KCNJ6: variants seen among roughly 807,000 people sequenced by gnomAD.
The protein encoded by KCNJ6 is G protein-activated inward rectifier potassium channel 2.
In KCNJ6, 9 loss-of-function variants were observed where a neutral mutation model predicts 34.2. The observed-to-expected ratio is 0.26, with a 90% CI of 0.16 to 0.46. The LOEUF (loss-of-function observed/expected upper bound fraction) is 0.46. Ranked by LOEUF, KCNJ6 falls within the 20% of genes least tolerant of loss-of-function variation. The pLI, the probability that KCNJ6 is intolerant of heterozygous loss-of-function variation, is 1.00. For synonymous variants in KCNJ6, 196 were observed against 207.1 expected, an observed-to-expected ratio of 0.95 and a Z score of 0.46; for missense variants, 236 against 531.3, an observed-to-expected ratio of 0.44 and a Z score of 5.46.
chr21:37,839,009 G>C (rs953467160), intron 2 of KCNJ6, among the ~76,000 whole-genome samples: 1 of 152,186 alleles, frequency 6.6e-6, no homozygotes, highest in Non-Finnish European at 1.5e-5. Context: ...CACCATGATT[G>C]TAAGTTTCCT....
chr21:37,682,098 G>A (rs921914001), intron 3 of KCNJ6, among the ~76,000 whole-genome samples: 8 of 152,126 alleles, frequency 5.3e-5, no homozygotes, highest in African/African-American at 1.2e-4. Flanking sequence ...GAAGGGGAGG[G>A]GTGGCTCGCA....
At chr21:37,688,011 T>G (rs1012089971) in intron 3 of KCNJ6, among the ~76,000 whole-genome samples, 3 of 152,250 alleles carry the variant, frequency 2.0e-5, no homozygotes, top group African/African-American at 7.2e-5. Context: ...CCATCTGAGA[T>G]GGAAGGTGTC....
chr21:37,836,983 C>T (rs1489876242), intron 2 of KCNJ6, among the ~76,000 whole-genome samples: 2 of 152,076 alleles, frequency 1.3e-5, no homozygotes, highest in Non-Finnish European at 2.9e-5. Context: ...TTTTTAGACC[C>T]CATGGACCCT....
chr21:37,882,555 T>C (rs1015763689), intron 1 of KCNJ6, among the ~76,000 whole-genome samples: 45 of 152,196 alleles, frequency 3.0e-4, no homozygotes, highest in African/African-American at 1.1e-3. Context: ...CACCCATTAA[T>C]GGAAGAAGGC....
chr21:37,894,237 C>A (rs1190775335), intron 1 of KCNJ6, among the ~76,000 whole-genome samples: 1 of 152,192 alleles, frequency 6.6e-6, no homozygotes, highest in Non-Finnish European at 1.5e-5. Context: ...ATCACAATCA[C>A]CAGGGAGCTT....
intron 1 of KCNJ6, among the ~76,000 whole-genome samples, chr21:37,884,474 G>A (rs531713954): frequency 2.6e-5 from 4 of 152,064 alleles, no homozygotes; most frequent in Admixed American, 1.3e-4. Context: ...CTCTCTGCCC[G>A]CATCTGTAGT....
intron 1 of KCNJ6, among the ~76,000 whole-genome samples, chr21:37,877,365 G>C (rs2055684260): frequency 6.6e-6 from 1 of 152,138 alleles, no homozygotes; most frequent in African/African-American, 2.4e-5. Context: ...GACCGCATGA[G>C]AACATTCCTG....
At chr21:37,731,383 G>A (rs188094066) in intron 2 of KCNJ6, among the ~76,000 whole-genome samples, 1 of 152,326 alleles carries the variant, frequency 6.6e-6, no homozygotes, top group East Asian at 1.9e-4. Context: ...GATCTGGTAA[G>A]TGGGAAGATC....
chr21:37,682,553 G>A (rs535678943), intron 3 of KCNJ6, among the ~76,000 whole-genome samples: 1 of 151,712 alleles, frequency 6.6e-6, no homozygotes, highest in Non-Finnish European at 1.5e-5. Flanking sequence ...ACCTTCTTCT[G>A]TGTGTCTCTT....
At chr21:37,861,220 G>T (rs554097207) in intron 1 of KCNJ6, among the ~76,000 whole-genome samples, 14 of 152,324 alleles carry the variant, frequency 9.2e-5, no homozygotes, top group Admixed American at 6.5e-4. Context: ...ACAAACTGGA[G>T]GGCTTAAACA....
chr21:37,787,140 A>C (rs1166049697), intron 2 of KCNJ6, among the ~76,000 whole-genome samples: 3 of 152,224 alleles, frequency 2.0e-5, no homozygotes, highest in Non-Finnish European at 2.9e-5. Flanking sequence ...TAGTTTAAAA[A>C]AAACAACAAA....
chr21:37,862,331 G>A (rs1341509115), intron 1 of KCNJ6, among the ~76,000 whole-genome samples: 2 of 152,162 alleles, frequency 1.3e-5, no homozygotes, highest in African/African-American at 4.8e-5. Flanking sequence ...TTGGCAAGCA[G>A]AGAAGTCTTC....
At chr21:37,786,588 A>G (rs1461874967) in intron 2 of KCNJ6, among the ~76,000 whole-genome samples, 1 of 152,218 alleles carries the variant, frequency 6.6e-6, no homozygotes, top group East Asian at 1.9e-4. Context: ...GGTGGCCTCA[A>G]AGACTATATG....
intron 2 of KCNJ6, among the ~76,000 whole-genome samples, chr21:37,718,280 A>G (rs1485480845): frequency 2.6e-5 from 4 of 152,218 alleles, no homozygotes; most frequent in Admixed American, 6.5e-5. Context: ...CTATCTGTCT[A>G]GAAACCAGAA....
At chr21:37,766,720 C>A (rs1245626559) in intron 2 of KCNJ6, among the ~76,000 whole-genome samples, 1 of 152,160 alleles carries the variant, frequency 6.6e-6, no homozygotes, top group Non-Finnish European at 1.5e-5. Context: ...GGTCCCCAAA[C>A]CGTGGGCCAT....
At chr21:37,888,522 A>G (rs538406589) in intron 1 of KCNJ6, among the ~76,000 whole-genome samples, 1 of 152,224 alleles carries the variant, frequency 6.6e-6, no homozygotes, top group African/African-American at 2.4e-5. Flanking sequence ...AGATTTGGAA[A>G]GAAGATATGA....
intron 1 of KCNJ6, among the ~76,000 whole-genome samples, chr21:37,878,262 G>C (rs909565474): frequency 4.4e-5 from 6 of 135,918 alleles, no homozygotes; most frequent in African/African-American, 6.6e-5. Context: ...TGCATTTGTG[G>C]GATTTTTTTT....
intron 3 of KCNJ6, among the ~76,000 whole-genome samples, chr21:37,667,952 C>T (rs2054524418): frequency 1.3e-5 from 2 of 152,012 alleles, no homozygotes; most frequent in African/African-American, 4.8e-5. Flanking sequence ...TGCCAGAGCT[C>T]CTTGGAGCTT....
At chr21:37,878,480 G>A (rs774492783) in intron 1 of KCNJ6, among the ~76,000 whole-genome samples, 2 of 152,210 alleles carry the variant, frequency 1.3e-5, no homozygotes, top group Admixed American at 6.5e-5. Flanking sequence ...GCATCCCTGT[G>A]GTGGGCCAGC....
Sources: gnomAD v4.1 joint callset for allele counts (sites outside exome capture counted in the v4.1 genomes callset) on GRCh38, gnomAD v4.1.1 for gene constraint, MANE v1.5 for transcripts, NCBI Gene and HGNC (gene_info 2026-07-23, HGNC 2026-07-21) for gene names.